Variants in CNDP2 observed in about 807,000 individuals in gnomAD.
The protein encoded by CNDP2 is cytosolic non-specific dipeptidase.
In CNDP2, 38 loss-of-function variants were observed where a neutral mutation model predicts 55.0. The ratio of observed to expected loss-of-function variants is 0.69; its 90% CI spans 0.53 to 0.90. The LOEUF is 0.90. Among genes scored for constraint, CNDP2 ranks in the 40% least tolerant of loss-of-function variants. The probability of loss-of-function intolerance (pLI) is 0.00; values close to 1 mark genes in which losing one functional copy is unlikely to be tolerated. For missense variants in CNDP2, 607 were observed against 621.7 expected, an observed-to-expected ratio of 0.98 and a Z score of 0.25; for synonymous variants, 241 against 260.2, an observed-to-expected ratio of 0.93 and a Z score of 0.71.
intron 4 of CNDP2, 195 bp from the exon 5 acceptor site, chr18:74,508,645 C>T (rs1316463468): frequency 3.6e-6 from 2 of 562,978 alleles, no homozygotes; most frequent in South Asian, 2.2e-5. Flanking sequence ...ATCCACGTGG[C>T]TTATCTCTTT....
intron 3 of CNDP2, 99 bp from the exon 4 acceptor site, chr18:74,505,750 G>C: frequency 1.5e-6 from 2 of 1,312,940 alleles, no homozygotes; most frequent in Non-Finnish European, 2.1e-6. Flanking sequence ...GATTGATAAG[G>C]ACAGATAAGG....
intron 3 of CNDP2, among the ~76,000 whole-genome samples, chr18:74,503,072 C>CG (rs1024530864): frequency 3.7e-5 from 1 of 27,332 alleles, no homozygotes; most frequent in African/African-American, 2.4e-4. Context: ...TGCTCCCTTT[C>CG]GTTTTTTTTT....
In CNDP2 at chr18:74,523,153, G is replaced by T. The variant is rs183253612; in HGVS notation, c.*3085G>T. 6.6e-6 allele frequency: 1 copy of T among 152,196 alleles called. No homozygotes were observed. 9.4% of individuals were successfully genotyped at this position (152,196 alleles called of 1,614,324 possible). On this transcript the variant is annotated 3_prime_UTR_variant, in exon 12 of 12. Transcript: ENST00000324262. ...TGGGGTGGCATGGACATTTGCACAC[G>T]TCCAGACTGCTTTATGTTAGAAGCT... is the stretch of plus-strand genomic sequence containing the variant.
intron 1 of CNDP2, among the ~76,000 whole-genome samples, chr18:74,498,707 A>G (rs1317380401): frequency 6.6e-6 from 1 of 152,182 alleles, no homozygotes; most frequent in Non-Finnish European, 1.5e-5. Context: ...AACACTGATA[A>G]ACGCCTCTCC....
intron 4 of CNDP2, 155 bp downstream of exon 4, chr18:74,506,166 C>A: frequency 3.1e-6 from 2 of 655,054 alleles, no homozygotes; most frequent in Non-Finnish European, 4.3e-6. Context: ...CAGAGTCTCA[C>A]TCTGTAGCTC....
intron 3 of CNDP2, among the ~76,000 whole-genome samples, chr18:74,502,164 G>T (rs1978742070): frequency 6.6e-6 from 1 of 152,192 alleles, no homozygotes; most frequent in Admixed American, 6.5e-5. Flanking sequence ...AGGATTACAG[G>T]TGTGAGCCAC....
chr18:74,512,963 G>A (rs1385942879), intron 7 of CNDP2, among the ~76,000 whole-genome samples: 3 of 152,208 alleles, frequency 2.0e-5, no homozygotes, highest in Non-Finnish European at 4.4e-5. Flanking sequence ...ATAGCCCATC[G>A]TGCTGTTCCC....
chr18:74,501,283 A>C (rs781366000), intron 2 of CNDP2, 46 bp from the exon 3 acceptor site: 1 of 1,590,520 alleles, frequency 6.3e-7, no homozygotes, highest in Non-Finnish European at 8.6e-7. Flanking sequence ...CTTCTCCCTC[A>C]AGGACACCTT....
chr18:74,505,903 T>A lies in CNDP2; in HGVS notation c.259T>A (p.Ser87Thr). The A allele has an allele frequency of 6.2e-7, 1 of 1,612,044 alleles. No individual in the cohort carries two copies. The highest frequency in any genetic ancestry group is 1.1e-5 in the South Asian group (1 of 90,768). ...LPPILLGRLG[S>T]DPQKKTVCIY... ...TCCTATTCTGCTCGGCAGGCTGGGC[T>A]CCGACCCACAGAAGAAGACCGTGTG... The change falls in exon 4 of 12, where the codon TCC becomes ACC. Residue 87 changes from serine to threonine, a missense_variant. Transcript: ENST00000324262.
intron 10 of CNDP2, 35 bp downstream of exon 10, chr18:74,518,675 G>A (rs1271085496): frequency 2.5e-6 from 4 of 1,613,064 alleles, no homozygotes; most frequent in Non-Finnish European, 3.4e-6. Flanking sequence ...TGCCGCGCAG[G>A]GCCCTTCGCA....
chr18:74,506,219 C>T (rs560916804), intron 4 of CNDP2, among the ~76,000 whole-genome samples: 21 of 152,294 alleles, frequency 1.4e-4, no homozygotes, highest in Non-Finnish European at 2.9e-4. Context: ...CTGCAACCTC[C>T]GCCTCCCGGG....
chr18:74,518,355 A>C, intron 9 of CNDP2, 144 bp from the exon 10 acceptor site: 1 of 756,080 alleles, frequency 1.3e-6, no homozygotes, highest in Non-Finnish European at 2.2e-6. Context: ...CTCATCGTAG[A>C]CTCAGCATAG....
rs1980097051 is a variant in CNDP2 at position 74,522,283 on chromosome 18, A to G, written c.*2215A>G. 6.6e-6 allele frequency: 1 copy of G among 152,222 alleles called. No individual in the cohort carries two copies. The highest frequency in any genetic ancestry group is 2.1e-4 in the South Asian group (1 of 4,824). 9.4% of individuals were successfully genotyped at this position (152,222 alleles called of 1,614,324 possible). A position where few individuals can be genotyped will look rare whatever the true frequency, so the allele number is the denominator to read the frequency against. ...AGTGCTATCTGGGCTTGTGGCTCCA[A>G]CTCAACTCCTCCATCAGAACTGTGA... On this transcript the variant is annotated 3_prime_UTR_variant, in exon 12 of 12. Transcript: ENST00000324262.
intron 3 of CNDP2, among the ~76,000 whole-genome samples, chr18:74,501,837 C>T (rs1286491098): frequency 1.3e-5 from 2 of 152,052 alleles, no homozygotes; most frequent in Admixed American, 6.6e-5. Context: ...ATAAAGACTC[C>T]CCCCAACCCC....
Position 74,521,506 on chromosome 18 carries a change from C to G in CNDP2, c.*1438C>G, listed in dbSNP as rs914693738. On this transcript the variant is annotated 3_prime_UTR_variant, in exon 12 of 12. Coordinates refer to ENST00000324262, the MANE Select transcript of CNDP2 (RefSeq NM_018235.3). ...AAGATGAGTCTGGACCCTCTCACAT[C>G]GGAACGTAAGGATGCGCTCCTGAGG... 1 of 152,234 alleles carries G rather than the reference C, an allele frequency of 6.6e-6. No individual in the cohort carries two copies. Among genetic ancestry groups the G allele is most frequent in the Non-Finnish European group, 1.5e-5 (1 of 68,074 alleles). The allele number at this position is 152,234 out of a possible 1,614,324, so 9.4% of individuals were successfully genotyped here.
In CNDP2 at chr18:74,518,955, G is replaced by A. The variant is rs552695379; in HGVS notation, c.1217G>A (p.Gly406Asp). ...AGRRAMKTVF[G>D]VEPDLTREGG... ...TTATTTCATTTCCCCCCAGTTTTTG[G>A]TGTTGAGCCAGACTTGACCAGGGAA... is the stretch of plus-strand genomic sequence containing the variant. The change falls in exon 11 of 12, where the codon GGT becomes GAT. Residue 406 changes from glycine (G) to aspartate (D), a missense_variant. Gly to Asp is a moderately conservative substitution (Grantham distance 94, BLOSUM62 -1). Transcript: ENST00000324262. 6.8e-6 allele frequency: 11 copies of A among 1,614,068 alleles called. No individual in the cohort carries two copies. In the South Asian group the frequency reaches 1.1e-4, roughly 16 times the overall value.
At chr18:74,517,769 T>C (rs1599072705) in intron 9 of CNDP2, 3 of 151,950 alleles carry the variant, frequency 2.0e-5, no homozygotes, top group East Asian at 3.9e-4. Context: ...AGTCCCCAAG[T>C]GTAGTCATAA....
Position 74,501,366 on chromosome 18 carries a change from C to A in CNDP2, c.98C>A (p.Ala33Glu), listed in dbSNP as rs200600524. The A allele has an allele frequency of 1.9e-6, 3 of 1,613,824 alleles. No individual in the cohort carries two copies. In the African/African-American group the frequency reaches 4.0e-5, roughly 22 times the overall value. ...AKWVAIQSVSAWPEKRGEIRR... is the reference protein window; with the variant it reads ...AKWVAIQSVSEWPEKRGEIRR... ...TGGGTGGCTATCCAGAGTGTGTCTG[C>A]GTGGCCGGAGAAGAGAGGCGAAATC... Residue 33 changes from alanine to glutamate, a missense_variant, in exon 3 of 12, where the codon GCG (alanine) becomes GAG (glutamate). Ala to Glu is a moderately radical substitution (Grantham distance 107). Coordinates refer to ENST00000324262, the MANE Select transcript of CNDP2 (RefSeq NM_018235.3).
At position 74,520,170 on chromosome 18, in the gene CNDP2, C is replaced by T. The variant is rs574347210; in HGVS notation, c.*102C>T. 2 of 1,083,926 alleles carry T rather than the reference C, an allele frequency of 1.8e-6. No homozygotes were observed. The highest frequency in any genetic ancestry group is 2.4e-5 in the East Asian group (1 of 41,150). 67.1% of individuals were successfully genotyped at this position (1,083,926 alleles called of 1,614,324 possible). On this transcript the variant is annotated 3_prime_UTR_variant, in exon 12 of 12. Transcript: ENST00000324262. ...AGTGGAGGTTCCCTCTTTCCTTTCCCTCTTGTCAGGTCATCCATGACTTTA... is the reference window on the plus strand; with the variant it reads ...AGTGGAGGTTCCCTCTTTCCTTTCCTTCTTGTCAGGTCATCCATGACTTTA...
Sources: gnomAD v4.1 joint callset for allele counts (sites outside exome capture counted in the v4.1 genomes callset) on GRCh38, gnomAD v4.1.1 for gene constraint, MANE v1.5 for transcripts, NCBI Gene and HGNC (gene_info 2026-07-23, HGNC 2026-07-21) for gene names.